DLGAP2: variants seen among roughly 807,000 people sequenced by gnomAD.
DLGAP2 encodes disks large-associated protein 2.
DLGAP2 carries 26 observed loss-of-function variants against 100.3 expected under a neutral mutation model. That is an observed-to-expected ratio of 0.26 (90% CI 0.19 to 0.36). The LOEUF (loss-of-function observed/expected upper bound fraction) is 0.36, where lower values mean the gene tolerates loss of function less well. DLGAP2 is among the 10% of genes least tolerant of loss of function. The pLI is 1.00. For synonymous variants in DLGAP2, 886 were observed against 630.1 expected (o/e 1.41, Z -6.08); for missense variants, 1,858 against 1,453.2 (o/e 1.28, Z -4.53).
intron 2 of DLGAP2, among the ~76,000 whole-genome samples, chr8:1,214,155 A>G (rs1207050681): frequency 6.6e-6 from 1 of 151,890 alleles, no homozygotes; most frequent in African/African-American, 2.4e-5. Context: ...TCCACACCTC[A>G]TTCCCTGCCA....
chr8:876,038 GC>G (rs1158069066), intron 1 of DLGAP2, among the ~76,000 whole-genome samples: 1 of 152,120 alleles, frequency 6.6e-6, no homozygotes, highest in Non-Finnish European at 1.5e-5. Context: ...GTATAACATA[GC>G]TTTGCTTCCA....
intron 3 of DLGAP2, among the ~76,000 whole-genome samples, chr8:1,470,746 TCCTTCCCC>T (rs1563168377): frequency 2.1e-3 from 9 of 4,372 alleles, no homozygotes; most frequent in African/African-American, 0.014. Context: ...CTTCCCCGAC[TCCTTCCCC>T]GACTCCTCCA....
At chr8:1,364,573 C>T (rs557361999) in intron 3 of DLGAP2, among the ~76,000 whole-genome samples, 4 of 152,338 alleles carry the variant, frequency 2.6e-5, no homozygotes, top group Non-Finnish European at 5.9e-5. Flanking sequence ...CTCTCAACTC[C>T]ATTCCCTCAT....
In DLGAP2 at chr8:1,038,297, A is replaced by C. The variant is rs75886787; in HGVS notation, c.73+130331A>C. 6.9e-3 allele frequency among the ~76,000 whole-genome samples: 1,043 copies of C among 152,164 alleles called. 20 individuals are homozygous for C. Among genetic ancestry groups the C allele is most frequent in the African/African-American group, 0.024 (998 of 41,498 alleles). Reference sequence around the variant, plus strand: ...TCTTCCAGAACCTTTTTTCCTTCCAAGTGTCCTTGGGCTCAATTATGGGCA... The same window carrying C: ...TCTTCCAGAACCTTTTTTCCTTCCACGTGTCCTTGGGCTCAATTATGGGCA... On this transcript the variant is annotated intron_variant, in intron 2 of 14. Coordinates refer to ENST00000637795, the MANE Select transcript of DLGAP2 (RefSeq NM_001346810.2).
At chr8:1,199,060 A>G (rs1261463055) in intron 2 of DLGAP2, among the ~76,000 whole-genome samples, 1 of 152,260 alleles carries the variant, frequency 6.6e-6, no homozygotes, top group Non-Finnish European at 1.5e-5. Context: ...CCAGACTTCC[A>G]GACTGCTCAG....
chr8:942,533 A>G lies in DLGAP2; in HGVS notation c.73+34567A>G, dbSNP rs1799220528. Among the ~76,000 whole-genome samples the G allele has an allele frequency of 2.0e-5, 3 of 152,246 alleles. No individual in the cohort carries two copies. The South Asian group carries it at 6.2e-4, about 32-fold the overall frequency. On this transcript the variant is annotated intron_variant, in intron 2 of 14. Coordinates refer to ENST00000637795, the MANE Select transcript of DLGAP2 (RefSeq NM_001346810.2). ...CTCCTGGGCTTGGACTATCATTTCT[A>G]AACTCCATAGATGACTTTTACCTTT...
intron 8 of DLGAP2, among the ~76,000 whole-genome samples, chr8:1,665,890 T>G (rs1345365912): frequency 6.6e-6 from 1 of 152,246 alleles, no homozygotes; most frequent in Admixed American, 6.5e-5. Flanking sequence ...CCTTTATCGA[T>G]GAGCCCTCCT....
chr8:741,526 G>A (rs1462413314), intron 1 of DLGAP2, among the ~76,000 whole-genome samples: 3 of 152,284 alleles, frequency 2.0e-5, no homozygotes, highest in South Asian at 2.1e-4. Context: ...ATGGGTGTCC[G>A]CTGCAGGTGC....
chr8:1,337,552 ATGG>A (rs895082059), intron 3 of DLGAP2, among the ~76,000 whole-genome samples: 1 of 150,974 alleles, frequency 6.6e-6, no homozygotes, highest in Admixed American at 6.6e-5. Context: ...GATGATCATA[ATGG>A]TGGTGGTGAT....
intron 2 of DLGAP2, among the ~76,000 whole-genome samples, chr8:1,087,971 G>T (rs974053594): frequency 1.5e-4 from 23 of 152,344 alleles, no homozygotes; most frequent in Non-Finnish European, 2.9e-4. Context: ...GGGCTATGTG[G>T]CCTCCTTATC....
At chr8:1,164,787 C>T (rs1458553425) in intron 2 of DLGAP2, among the ~76,000 whole-genome samples, 4 of 152,084 alleles carry the variant, frequency 2.6e-5, no homozygotes, top group African/African-American at 4.8e-5. Flanking sequence ...GAGAAGCTTC[C>T]GACTGCTGCG....
At chr8:800,830 G>C (rs894650774) in intron 1 of DLGAP2, among the ~76,000 whole-genome samples, 1 of 152,128 alleles carries the variant, frequency 6.6e-6, no homozygotes, top group Non-Finnish European at 1.5e-5. Flanking sequence ...GCTGAGAAGA[G>C]GTTGCTGTTG....
chr8:1,415,985 G>C (rs1796872458), intron 3 of DLGAP2, among the ~76,000 whole-genome samples: 1 of 152,212 alleles, frequency 6.6e-6, no homozygotes, highest in Non-Finnish European at 1.5e-5. Flanking sequence ...ATAAATTGGG[G>C]GAGGGTGATG....
At chr8:1,281,732 C>T (rs1366945292) in intron 3 of DLGAP2, among the ~76,000 whole-genome samples, 1 of 152,224 alleles carries the variant, frequency 6.6e-6, no homozygotes, top group East Asian at 1.9e-4. Flanking sequence ...GATGTCCTAG[C>T]TCCTTGAAAG....
At chr8:1,254,140 C>T (rs1585195384) in intron 2 of DLGAP2, among the ~76,000 whole-genome samples, 1 of 152,162 alleles carries the variant, frequency 6.6e-6, no homozygotes, top group African/African-American at 2.4e-5. Flanking sequence ...GTGGGCTCAG[C>T]GCTGAGGGCT....
chr8:1,059,705 C>G (rs1803013160), intron 2 of DLGAP2, among the ~76,000 whole-genome samples: 1 of 152,130 alleles, frequency 6.6e-6, no homozygotes, highest in Non-Finnish European at 1.5e-5. Flanking sequence ...CCAAGGCGCC[C>G]TCTTTGCTGT....
intron 2 of DLGAP2, among the ~76,000 whole-genome samples, chr8:918,664 G>A (rs186518054): frequency 2.0e-5 from 3 of 152,290 alleles, no homozygotes; most frequent in South Asian, 4.1e-4. Flanking sequence ...TTGTTTCTGG[G>A]AAGACAATTG....
At chr8:1,093,391 CGAAACACCTTCACACTGACAGCCA>C (rs1804252071) in intron 2 of DLGAP2, among the ~76,000 whole-genome samples, 3 of 112,734 alleles carry the variant, frequency 2.7e-5, no homozygotes, top group Non-Finnish European at 5.4e-5. Context: ...ACAGCCAGAC[CGAAACACCTTCACACTGACAGCCA>C]GAAACACCTT....
At chr8:884,481 T>G (rs981522354) in intron 1 of DLGAP2, among the ~76,000 whole-genome samples, 1 of 149,202 alleles carries the variant, frequency 6.7e-6, no homozygotes, top group Non-Finnish European at 1.5e-5. Context: ...CTTTTCGATG[T>G]TTTTTTTTTC....
Sources: gnomAD v4.1 joint callset for allele counts (sites outside exome capture counted in the v4.1 genomes callset) on GRCh38, gnomAD v4.1.1 for gene constraint, MANE v1.5 for transcripts, NCBI Gene and HGNC (gene_info 2026-07-23, HGNC 2026-07-21) for gene names.